RIOK2: variants seen among roughly 807,000 people sequenced by gnomAD.
RIOK2 encodes serine/threonine-protein kinase RIO2.
RIOK2 carries 46 observed loss-of-function variants against 62.4 expected under a neutral mutation model. The ratio of observed to expected loss-of-function variants is 0.74; its 90% confidence interval spans 0.58 to 0.94. The LOEUF is 0.94. RIOK2 is among the 40% of genes least tolerant of loss of function. RIOK2 has a pLI of 0.00. For missense variants in RIOK2, 574 were observed against 658.0 expected, an observed-to-expected ratio of 0.87 and a Z score of 1.40; for synonymous variants, 197 against 216.0, an observed-to-expected ratio of 0.91 and a Z score of 0.77.
intron 2 of RIOK2, among the ~76,000 whole-genome samples, 194 bp from the exon 3 acceptor site, chr5:97,178,042 C>G (rs905362575): frequency 7.9e-5 from 12 of 152,254 alleles, no homozygotes; most frequent in Middle Eastern, 3.4e-3. Context: ...AAAATGTGAC[C>G]TACAGACAGG....
chr5:97,178,138 T>A (rs1019352848), intron 2 of RIOK2, among the ~76,000 whole-genome samples: 4 of 152,196 alleles, frequency 2.6e-5, no homozygotes, highest in Admixed American at 2.0e-4. Context: ...TCTGTTTTTG[T>A]ATATCTGTTA....
rs540507666 is a variant in RIOK2, at chr5:97,179,787, G to C, written c.67-594C>G. ...TAAGAATACGTGGACACAGAAAGGG[G>C]AACATCACACACTGGGGCCTGTCGG... On this transcript the variant is annotated intron_variant, in intron 1 of 9. Transcript: ENST00000283109. Among the ~76,000 whole-genome samples, 131 of 68,410 alleles carry C rather than the reference G, an allele frequency of 1.9e-3. 1 individual carries two copies. Among genetic ancestry groups the C allele is most frequent in the Middle Eastern group, 0.019 (1 of 54 alleles). 44.9% of individuals were successfully genotyped at this position (68,410 alleles called of 152,430 possible).
intron 7 of RIOK2, 93 bp downstream of exon 7, chr5:97,168,667 G>T: frequency 3.8e-6 from 3 of 789,652 alleles, no homozygotes; most frequent in Non-Finnish European, 5.9e-6. Context: ...GTCAAAATTT[G>T]GAAAGTTTTT....
At chr5:97,167,185 T>C (rs1419083470) in intron 8 of RIOK2, 2 of 1,256,384 alleles carry the variant, frequency 1.6e-6, no homozygotes, top group Non-Finnish European at 1.0e-6. Flanking sequence ...CCAGAAGTGC[T>C]GAGATTACAG....
chr5:97,181,795 A>G (rs1025074986), intron 1 of RIOK2, among the ~76,000 whole-genome samples: 4 of 152,158 alleles, frequency 2.6e-5, no homozygotes, highest in Admixed American at 1.3e-4. Context: ...TCTGTCAGAG[A>G]CACTAAGGAA....
intron 1 of RIOK2, 31 bp from the exon 2 acceptor site, chr5:97,179,224 A>C (rs1219359520): frequency 1.2e-6 from 2 of 1,603,152 alleles, no homozygotes; most frequent in Non-Finnish European, 1.7e-6. Flanking sequence ...ATATAATCAT[A>C]ATCAACACAA....
rs141340615 is a variant in RIOK2 at position 97,167,166 on chromosome 5, C to T, written c.1397+301G>A. On this transcript the variant is annotated intron_variant, in intron 8 of 9. Coordinates refer to ENST00000283109, the MANE Select transcript of RIOK2 (RefSeq NM_018343.3). Reference sequence around the variant, plus strand: ...TCCTGACCTCAGGTGATTTGCCTGCCTTGGCCTCCCAGAAGTGCTGAGATT... The same window carrying T: ...TCCTGACCTCAGGTGATTTGCCTGCTTTGGCCTCCCAGAAGTGCTGAGATT... 1.7e-4 allele frequency: 205 copies of T among 1,171,690 alleles called. 1 individual carries two copies. The Middle Eastern group carries it at 3.2e-3, about 18-fold the overall frequency. The allele number at this position is 1,171,690 out of a possible 1,614,324, so 72.6% of individuals were successfully genotyped here.
chr5:97,167,735 T>C lies in RIOK2; in HGVS notation c.1129A>G (p.Lys377Glu). ...CTCTCTTCTGATAAACTGTCTTCCT[T>C]TATTTGTTCAGGGTCTCCAGATGAT... ...CRSSGDPEQI[K>E]EDSLSEESAD... is the part of the protein sequence containing the mutation. Residue 377 changes from lysine to glutamate, a missense_variant, in exon 8 of 10, where the codon AAG (lysine) becomes GAG (glutamate). Coordinates refer to ENST00000283109, the MANE Select transcript of RIOK2 (RefSeq NM_018343.3). 1.2e-6 allele frequency: 2 copies of C among 1,614,178 alleles called. No individual in the cohort carries two copies. Among genetic ancestry groups the C allele is most frequent in the Non-Finnish European group, 8.5e-7 (1 of 1,180,006 alleles).
intron 4 of RIOK2, among the ~76,000 whole-genome samples, chr5:97,175,214 T>C (rs1270215948): frequency 3.3e-5 from 5 of 152,212 alleles, no homozygotes; most frequent in Non-Finnish European, 5.9e-5. Context: ...GTCTATTGCT[T>C]ACCTTCTGTG....
rs1298756254 is a variant in RIOK2, at chr5:97,161,500, A to G, written c.*1561T>C. The G allele has an allele frequency of 6.6e-6, 1 of 152,210 alleles. No homozygotes were observed. Among genetic ancestry groups the G allele is most frequent in the Non-Finnish European group, 1.5e-5 (1 of 68,030 alleles). 9.4% of individuals were successfully genotyped at this position (152,210 alleles called of 1,614,324 possible). A position where few individuals can be genotyped will look rare whatever the true frequency, so the allele number is the denominator to read the frequency against. The stretch of plus-strand genomic sequence containing the variant: ...AAAAAACTAAATTCCTTAACAGATC[A>G]TTTATTAGTAAATCTTCAATAACTA... On this transcript the variant is annotated 3_prime_UTR_variant, in exon 10 of 10. Coordinates refer to ENST00000283109, the MANE Select transcript of RIOK2 (RefSeq NM_018343.3).
chr5:97,176,915 T>A, intron 4 of RIOK2: 1 of 514,492 alleles, frequency 1.9e-6, no homozygotes, highest in African/African-American at 1.9e-5. Context: ...TAGTAACAAT[T>A]TAAAATACCT....
At chr5:97,170,132 C>T (rs1321885181) in intron 6 of RIOK2, among the ~76,000 whole-genome samples, 1 of 152,028 alleles carries the variant, frequency 6.6e-6, no homozygotes, top group Non-Finnish European at 1.5e-5. Flanking sequence ...TTAATATACT[C>T]TATTATATAA....
At chr5:97,181,857 G>C (rs1194033070) in intron 1 of RIOK2, among the ~76,000 whole-genome samples, 1 of 152,158 alleles carries the variant, frequency 6.6e-6, no homozygotes, top group Non-Finnish European at 1.5e-5. Context: ...AGTGATAGTA[G>C]GTTTTCATAG....
intron 8 of RIOK2, chr5:97,167,176 C>T: frequency 8.2e-7 from 1 of 1,220,060 alleles, no homozygotes; most frequent in Admixed American, 4.0e-5. Context: ...CTTGGCCTCC[C>T]AGAAGTGCTG....
chr5:97,182,628 A>G lies in RIOK2; in HGVS notation c.66+498T>C, dbSNP rs1038346731. ...TATCCTATTTTTCGTTTACTTGATG[A>G]TCTGTGTCTCTCTCTCCACTTGTCT... On this transcript the variant is annotated intron_variant, in intron 1 of 9. Transcript: ENST00000283109. Among the ~76,000 whole-genome samples, 7 of 152,102 alleles carry G rather than the reference A, an allele frequency of 4.6e-5. No individual in the cohort carries two copies. The East Asian group carries it at 1.4e-3, about 29-fold the overall frequency.
chr5:97,178,036 T>C (rs1749218972), intron 2 of RIOK2, among the ~76,000 whole-genome samples, 188 bp from the exon 3 acceptor site: 1 of 152,224 alleles, frequency 6.6e-6, no homozygotes, highest in Non-Finnish European at 1.5e-5. Flanking sequence ...ATAATCAAAA[T>C]GTGACCTACA....
intron 8 of RIOK2, chr5:97,166,471 A>G (rs946436074): frequency 4.5e-6 from 1 of 220,838 alleles, no homozygotes; most frequent in Non-Finnish European, 9.4e-6. Flanking sequence ...GTACTGAAAA[A>G]TGTTTAATAA....
At chr5:97,169,578 G>T (rs1748942866) in intron 6 of RIOK2, among the ~76,000 whole-genome samples, 1 of 152,156 alleles carries the variant, frequency 6.6e-6, no homozygotes, top group South Asian at 2.1e-4. Context: ...TGAGAAAGAT[G>T]AAGTTTGGAA....
At chr5:97,180,080 C>CATATATATAT (rs74195374) in intron 1 of RIOK2, among the ~76,000 whole-genome samples, 4 of 64,708 alleles carry the variant, frequency 6.2e-5, no homozygotes, top group Non-Finnish European at 1.1e-4. Context: ...GTAAAAAGCA[C>CATATATATAT]ATATATATAT....
Sources: allele counts gnomAD v4.1 joint callset (sites outside exome capture counted in the v4.1 genomes callset), GRCh38; gene constraint gnomAD v4.1.1; transcripts MANE v1.5; gene names NCBI Gene and HGNC (gene_info 2026-07-23, HGNC 2026-07-21).